The following ABHD2 variants were observed in gnomAD, a reference collection of about 807,000 sequenced individuals.
The protein encoded by ABHD2 is monoacylglycerol lipase ABHD2.
A neutral mutation model predicts 48.1 loss-of-function variants in ABHD2; 20 were observed. That is an observed-to-expected ratio of 0.42 (90% CI 0.29 to 0.60). The LOEUF (loss-of-function observed/expected upper bound fraction) is 0.60. Ranked by LOEUF, ABHD2 falls within the 20% of genes least tolerant of loss-of-function variation. The pLI, the probability that ABHD2 is intolerant of heterozygous loss-of-function variation, is 0.24. For missense variants in ABHD2, 405 were observed against 550.9 expected (o/e 0.74, Z 2.65); for synonymous variants, 209 against 214.2 (o/e 0.98, Z 0.21).
At chr15:89,131,339 C>T (rs1025924148) in intron 3 of ABHD2, among the ~76,000 whole-genome samples, 5 of 152,244 alleles carry the variant, frequency 3.3e-5, no homozygotes, top group African/African-American at 1.2e-4. Context: ...CTTCATACCT[C>T]CACACAGCCT....
rs1182009614 is a variant in ABHD2 at position 89,114,689 on chromosome 15, G to A, written c.-7+865G>A. Among the ~76,000 whole-genome samples the A allele has an allele frequency of 6.6e-6, 1 of 151,990 alleles. No homozygotes were observed. Among genetic ancestry groups the A allele is most frequent in the East Asian group, 1.9e-4 (1 of 5,180 alleles). On this transcript the variant is annotated intron_variant, in intron 2 of 10. Transcript: ENST00000352732. The surrounding 1 kb of genome is among the most constrained non-coding windows in gnomAD (Gnocchi z 4.2). ...GTAGAGACAGGATTTCACCATGTTG[G>A]CCAGGGCTGGTCTCGAACTCCTGAG... is the stretch of plus-strand genomic sequence containing the variant.
At chr15:89,148,896 G>A (rs2050542856) in intron 3 of ABHD2, among the ~76,000 whole-genome samples, 1 of 152,098 alleles carries the variant, frequency 6.6e-6, no homozygotes, top group African/African-American at 2.4e-5. Context: ...ATATTCTATT[G>A]TTTTAGTCCA....
At chr15:89,132,381 A>G (rs1183736655) in intron 3 of ABHD2, among the ~76,000 whole-genome samples, 1 of 152,270 alleles carries the variant, frequency 6.6e-6, no homozygotes, top group Non-Finnish European at 1.5e-5. Flanking sequence ...TAAACAGGAT[A>G]GAATTTTATG....
At chr15:89,140,344 G>A (rs1270896211) in intron 3 of ABHD2, among the ~76,000 whole-genome samples, 2 of 152,188 alleles carry the variant, frequency 1.3e-5, no homozygotes, top group African/African-American at 4.8e-5. Context: ...GCAAATACTG[G>A]AGGTGGCTGT....
chr15:89,141,890 A>G (rs748376643), intron 3 of ABHD2, among the ~76,000 whole-genome samples: 4 of 152,366 alleles, frequency 2.6e-5, no homozygotes, highest in Middle Eastern at 3.4e-3. Context: ...CCAGCATCAG[A>G]ATATATACAT....
the ABHD2 span, among the ~76,000 whole-genome samples, chr15:89,048,769 C>T: frequency 1.3e-5 from 2 of 152,076 alleles, no homozygotes; most frequent in Non-Finnish European, 2.9e-5. Flanking sequence ...AAGCACTTCT[C>T]TGTATTAGTT....
intron 1 of ABHD2, among the ~76,000 whole-genome samples, chr15:89,108,840 G>T (rs1679477163): frequency 6.6e-6 from 1 of 152,184 alleles, no homozygotes; most frequent in African/African-American, 2.4e-5. Context: ...CTGGAAAATG[G>T]CCGTTTTCTG....
Position 89,120,674 on chromosome 15 carries a change from A to G in ABHD2, c.194+4153A>G, listed in dbSNP as rs1161155558. ...GCTAATTTTTGTATTTTTAATAGAG[A>G]TGGGGTTTCACCCTGTTGGTCAGGC... is the stretch of plus-strand genomic sequence containing the variant. On this transcript the variant is annotated intron_variant, in intron 3 of 10. Transcript: ENST00000352732. The surrounding 1 kb of genome is among the most constrained non-coding windows in gnomAD (Gnocchi z 4.2). 2 of 152,110 alleles carry G rather than the reference A, an allele frequency of 1.3e-5. No individual in the cohort carries two copies. Among genetic ancestry groups the G allele is most frequent in the East Asian group, 3.9e-4 (2 of 5,192 alleles). The allele number at this position is 152,110 out of a possible 1,614,324, so 9.4% of individuals were successfully genotyped here. A position where few individuals can be genotyped will look rare whatever the true frequency, so the allele number is the denominator to read the frequency against.
rs1461824752 is a variant in ABHD2 at position 89,088,968 on chromosome 15, C to G, written c.-107+405C>G. Among the ~76,000 whole-genome samples the G allele has an allele frequency of 6.6e-6, 1 of 152,232 alleles. No individual in the cohort carries two copies. Among genetic ancestry groups the G allele is most frequent in the Non-Finnish European group, 1.5e-5 (1 of 68,038 alleles). ...AGGGCCGAGGGGCCTGATTACAGCCCGAGATACCCGAGAGGCCTCTGTGTT... is the reference window on the plus strand; with the variant it reads ...AGGGCCGAGGGGCCTGATTACAGCCGGAGATACCCGAGAGGCCTCTGTGTT... On this transcript the variant is annotated intron_variant, in intron 1 of 10. Transcript: ENST00000352732. The surrounding 1 kb of genome is among the most constrained non-coding windows in gnomAD (Gnocchi z 6.8).
In ABHD2 at chr15:89,114,787, A is replaced by G. The variant is rs1366340537; in HGVS notation, c.-7+963A>G. Among the ~76,000 whole-genome samples the G allele has an allele frequency of 1.3e-5, 2 of 152,206 alleles. No homozygotes were observed. Among genetic ancestry groups the G allele is most frequent in the Non-Finnish European group, 2.9e-5 (2 of 68,018 alleles). On this transcript the variant is annotated intron_variant, in intron 2 of 10. Coordinates refer to ENST00000352732, the MANE Select transcript of ABHD2 (RefSeq NM_152924.5). The surrounding 1 kb of genome is among the most constrained non-coding windows in gnomAD (Gnocchi z 4.2). ...CATGAGCCATGGTGCCCAGCCCAGAAGTTAAGTTTTAGGAAAACTGTCTCC... is the reference window on the plus strand; with the variant it reads ...CATGAGCCATGGTGCCCAGCCCAGAGGTTAAGTTTTAGGAAAACTGTCTCC...
the ABHD2 span, among the ~76,000 whole-genome samples, chr15:89,048,411 G>A: frequency 1.3e-4 from 19 of 150,120 alleles, no homozygotes; most frequent in East Asian, 1.8e-3. Flanking sequence ...TCTTTGTGGC[G>A]TTCTCTGTAT....
chr15:89,140,788 T>C (rs985774070), intron 3 of ABHD2, among the ~76,000 whole-genome samples: 1 of 152,180 alleles, frequency 6.6e-6, no homozygotes, highest in Non-Finnish European at 1.5e-5. Context: ...GTTTTTGTTT[T>C]CCATTTCCTT....
intron 5 of ABHD2, among the ~76,000 whole-genome samples, chr15:89,157,334 AC>A (rs1328111079): frequency 6.6e-6 from 1 of 152,184 alleles, no homozygotes; most frequent in East Asian, 1.9e-4. Context: ...CATTCCAATT[AC>A]GTTGCCACTG....
chr15:89,110,040 C>T (rs2049848379), intron 1 of ABHD2, among the ~76,000 whole-genome samples: 1 of 151,896 alleles, frequency 6.6e-6, no homozygotes, highest in African/African-American at 2.4e-5. Context: ...TACTGTATTG[C>T]TTTTATTTAA....
At chr15:89,181,741 T>C (rs1401811511) in intron 6 of ABHD2, among the ~76,000 whole-genome samples, 1 of 152,242 alleles carries the variant, frequency 6.6e-6, no homozygotes, top group Non-Finnish European at 1.5e-5. Flanking sequence ...TTAATTCGTT[T>C]TCATCAGTAC....
the ABHD2 span, among the ~76,000 whole-genome samples, chr15:89,048,370 T>C: frequency 1.3e-5 from 2 of 152,006 alleles, no homozygotes; most frequent in East Asian, 1.9e-4. Context: ...CTGACAATTA[T>C]GTGTCTTGGA....
At chr15:89,193,213 C>G in intron 9 of ABHD2, 22 bp from the exon 10 acceptor site, 1 of 1,611,996 alleles carries the variant, frequency 6.2e-7, no homozygotes, top group Non-Finnish European at 8.5e-7. Context: ...TAGTTTAATT[C>G]TGCTTTATGT....
At position 89,130,756 on chromosome 15, in the gene ABHD2, ATTTTCT is replaced by A. The variant is rs369349639; in HGVS notation, c.194+14245_194+14250del. On this transcript the variant is annotated intron_variant, in intron 3 of 10. Transcript: ENST00000352732. ...AAAATATTATGAGATTTTTTGTGTG[ATTTTCT>A]TTTTCTTTTAGTCCATCAGCTGTCA... 3.4e-3 allele frequency among the ~76,000 whole-genome samples: 514 copies of A among 152,142 alleles called. 7 individuals are homozygous for A. Among genetic ancestry groups the A allele is most frequent in the African/African-American group, 0.012 (490 of 41,494 alleles).
At chr15:89,061,040 A>G in the ABHD2 span, among the ~76,000 whole-genome samples, 29 of 152,302 alleles carry the variant, frequency 1.9e-4, 1 homozygote, top group East Asian at 5.0e-3. Context: ...AACAATGGGT[A>G]CTCATGGACA....
Sources: allele counts gnomAD v4.1 joint callset (sites outside exome capture counted in the v4.1 genomes callset), GRCh38; gene constraint gnomAD v4.1.1; non-coding constraint Gnocchi (gnomAD v3.1); transcripts MANE v1.5; gene names NCBI Gene and HGNC (gene_info 2026-07-23, HGNC 2026-07-21).